The following ACOXL variants were observed in gnomAD, a reference collection of about 807,000 sequenced individuals.
ACOXL encodes acyl-coenzyme A oxidase-like protein.
ACOXL carries 70 observed loss-of-function variants against 71.9 expected under a neutral mutation model. The ratio of observed to expected loss-of-function variants is 0.97; its 90% CI spans 0.80 to 1.19. ACOXL has a LOEUF of 1.19. Among genes scored for constraint, ACOXL ranks in the 50% most tolerant of loss-of-function variants. The pLI is 0.00. For synonymous variants in ACOXL, 253 were observed against 281.6 expected (o/e 0.90, Z 1.02); for missense variants, 703 against 736.3 (o/e 0.95, Z 0.52).
chr2:110,987,218 G>T lies in ACOXL; in HGVS notation c.1169+1G>T. The T allele has an allele frequency of 6.4e-7, 1 of 1,566,426 alleles. No homozygotes were observed. The highest frequency in any genetic ancestry group is 8.7e-7 in the Non-Finnish European group (1 of 1,153,120). The stretch of plus-strand genomic sequence containing the variant: ...CTGTGGGGGACAAGCTGAGAACCAG[G>T]TACGTATTACTCAGGCCATCATCAT... On this transcript the variant is annotated splice_donor_variant, in intron 13 of 17. Coordinates refer to ENST00000439055, the MANE Select transcript of ACOXL (RefSeq NM_001142807.4). LOFTEE classifies it high-confidence loss of function.
At chr2:111,045,874 G>T (rs2065995531) in intron 15 of ACOXL, among the ~76,000 whole-genome samples, 6 of 152,158 alleles carry the variant, frequency 3.9e-5, no homozygotes, top group Admixed American at 2.6e-4. Context: ...CCCACGAAGG[G>T]CACTGGACTG....
Position 111,118,008 on chromosome 2 carries a change from G to A in ACOXL, c.*192G>A. The A allele has an allele frequency of 1.5e-6, 1 of 669,440 alleles. No individual in the cohort carries two copies. The highest frequency in any genetic ancestry group is 2.5e-6 in the Non-Finnish European group (1 of 401,714). 41.5% of individuals were successfully genotyped at this position (669,440 alleles called of 1,614,324 possible). Reference sequence around the variant, plus strand: ...TGGCTGCTAGGAAAGAGATCCAGACGGTCGCCTGGTGCGCTGGATCCCTGT... The same window carrying A: ...TGGCTGCTAGGAAAGAGATCCAGACAGTCGCCTGGTGCGCTGGATCCCTGT... On this transcript the variant is annotated 3_prime_UTR_variant, in exon 18 of 18. Transcript: ENST00000439055.
At chr2:110,767,923 AACACACACAC>A (rs58524964) in intron 1 of ACOXL, among the ~76,000 whole-genome samples, 5,918 of 114,382 alleles carry the variant, frequency 0.052, 160 homozygotes, top group East Asian at 0.068. Context: ...GTCTCTACTA[AACACACACAC>A]ACACACACAC....
chr2:110,949,315 A>G (rs1019128241), intron 12 of ACOXL, among the ~76,000 whole-genome samples: 6 of 148,918 alleles, frequency 4.0e-5, no homozygotes, highest in Non-Finnish European at 6.0e-5. Flanking sequence ...TTACTGTGAC[A>G]ACTTTATCAG....
chr2:111,110,076 T>C (rs2069840565), intron 17 of ACOXL, among the ~76,000 whole-genome samples: 1 of 152,218 alleles, frequency 6.6e-6, no homozygotes, highest in Non-Finnish European at 1.5e-5. Flanking sequence ...CTACTGATTG[T>C]GCTTTCTTTA....
At chr2:110,760,991 G>A (rs1573383699) in intron 1 of ACOXL, among the ~76,000 whole-genome samples, 1 of 152,178 alleles carries the variant, frequency 6.6e-6, no homozygotes, top group South Asian at 2.1e-4. Flanking sequence ...GAGAGGTGAA[G>A]CATAGGTGTT....
chr2:111,034,601 A>AT (rs1398639761), intron 15 of ACOXL, among the ~76,000 whole-genome samples: 4 of 152,252 alleles, frequency 2.6e-5, no homozygotes, highest in African/African-American at 9.6e-5. Context: ...AAGAAAAATC[A>AT]TAAGAATTAG....
chr2:110,996,362 A>G (rs2063397177), intron 14 of ACOXL, among the ~76,000 whole-genome samples: 1 of 152,194 alleles, frequency 6.6e-6, no homozygotes, highest in South Asian at 2.1e-4. Flanking sequence ...TGCCTCAGGC[A>G]TATGTAAAAA....
chr2:110,969,923 A>G (rs1295343167), intron 12 of ACOXL, among the ~76,000 whole-genome samples: 4 of 152,208 alleles, frequency 2.6e-5, no homozygotes, highest in Non-Finnish European at 5.9e-5. Flanking sequence ...GACTCAACAA[A>G]GTTGAAACAG....
intron 9 of ACOXL, among the ~76,000 whole-genome samples, chr2:110,810,616 TC>T (rs1687204009): frequency 6.6e-6 from 1 of 151,914 alleles, no homozygotes; most frequent in African/African-American, 2.4e-5. Flanking sequence ...CATCTGTTCA[TC>T]CATCCATCAT....
At chr2:110,888,919 A>G (rs935596473) in intron 10 of ACOXL, among the ~76,000 whole-genome samples, 36 of 152,362 alleles carry the variant, frequency 2.4e-4, no homozygotes, top group African/African-American at 8.7e-4. Context: ...CAAGCAAAAG[A>G]AAATTCATAG....
chr2:110,972,619 TCTCA>T lies in ACOXL; in HGVS notation c.1060-14487_1060-14484del, dbSNP rs551818981. 9.0e-3 allele frequency among the ~76,000 whole-genome samples: 1,287 copies of T among 143,310 alleles called. 14 individuals carry two copies. The highest frequency in any genetic ancestry group is 0.012 in the Non-Finnish European group (815 of 66,974). The allele number at this position is 143,310 out of a possible 152,430, so 94.0% of individuals were successfully genotyped here. A position where few individuals can be genotyped will look rare whatever the true frequency, so the allele number is the denominator to read the frequency against. On this transcript the variant is annotated intron_variant, in intron 12 of 17. Transcript: ENST00000439055. ...ATACACACACATGCATCTCTGTCTCTCTCACACGCACATGCACACACACACACGT... is the reference window on the plus strand; with the variant it reads ...ATACACACACATGCATCTCTGTCTCTCACGCACATGCACACACACACACGT...
chr2:110,992,580 C>T (rs1488312301), intron 13 of ACOXL, among the ~76,000 whole-genome samples: 1 of 152,170 alleles, frequency 6.6e-6, no homozygotes, highest in African/African-American at 2.4e-5. Flanking sequence ...CAGTAACTAC[C>T]CCTCATTTCG....
chr2:110,906,235 G>A (rs1019894363), intron 10 of ACOXL, among the ~76,000 whole-genome samples: 1 of 152,042 alleles, frequency 6.6e-6, no homozygotes, highest in African/African-American at 2.4e-5. Context: ...TTGATGAGAT[G>A]CTGTTTAAAA....
intron 14 of ACOXL, among the ~76,000 whole-genome samples, chr2:111,010,138 C>G (rs1350749901): frequency 6.6e-6 from 1 of 151,726 alleles, no homozygotes; most frequent in Non-Finnish European, 1.5e-5. Flanking sequence ...GAAGAAGACC[C>G]CAAAATTCCC....
chr2:110,750,368 A>G (rs909221934), intron 1 of ACOXL, among the ~76,000 whole-genome samples: 4 of 152,074 alleles, frequency 2.6e-5, no homozygotes, highest in African/African-American at 9.7e-5. Flanking sequence ...AAATTGTTCC[A>G]GCTTTGGCCA....
At chr2:111,117,459 G>T (rs1023718167) in intron 17 of ACOXL, among the ~76,000 whole-genome samples, 157 bp from the exon 18 acceptor site, 7 of 152,302 alleles carry the variant, frequency 4.6e-5, no homozygotes, top group Middle Eastern at 3.4e-3. Context: ...GCTTCCGAGG[G>T]TTATTCATGG....
At chr2:110,891,407 A>G (rs143536476) in intron 10 of ACOXL, among the ~76,000 whole-genome samples, 354 of 151,798 alleles carry the variant, frequency 2.3e-3, no homozygotes, top group African/African-American at 7.6e-3. Context: ...ACTTATTTGT[A>G]TCTTTGAATC....
chr2:110,885,222 C>A (rs887263703), intron 10 of ACOXL, among the ~76,000 whole-genome samples: 6 of 152,082 alleles, frequency 3.9e-5, no homozygotes, highest in Admixed American at 1.3e-4. Context: ...TAAAAGAATT[C>A]CAAAAAGAGC....
Sources: allele counts gnomAD v4.1 joint callset (sites outside exome capture counted in the v4.1 genomes callset), GRCh38; gene constraint gnomAD v4.1.1; transcripts MANE v1.5; gene names NCBI Gene and HGNC (gene_info 2026-07-23, HGNC 2026-07-21).